The following RASAL2 variants were observed in gnomAD, a reference collection of about 807,000 sequenced individuals.
RASAL2 encodes ras GTPase-activating protein nGAP.
In RASAL2, 58 loss-of-function variants were observed where a neutral mutation model predicts 128.9. The ratio of observed to expected loss-of-function variants is 0.45; its 90% CI spans 0.36 to 0.56. The LOEUF is 0.56. RASAL2 is among the 20% of genes least tolerant of loss of function. The pLI, the probability that RASAL2 is intolerant of heterozygous loss-of-function variation, is 0.00. For synonymous variants in RASAL2, 561 were observed against 580.8 expected (o/e 0.97, Z 0.49); for missense variants, 1,360 against 1,601.6 (o/e 0.85, Z 2.57).
chr1:178,430,133 G>C (rs929864333), intron 5 of RASAL2, among the ~76,000 whole-genome samples: 1 of 152,114 alleles, frequency 6.6e-6, no homozygotes, highest in African/African-American at 2.4e-5. Context: ...ATACACATTT[G>C]TTGGCCTGAA....
At chr1:178,389,323 A>G (rs935983605) in intron 3 of RASAL2, 1 of 937,800 alleles carries the variant, frequency 1.1e-6, no homozygotes. Flanking sequence ...ATACGTATAT[A>G]TCTATCATCT....
intron 3 of RASAL2, among the ~76,000 whole-genome samples, chr1:178,306,109 C>A (rs1212775701): frequency 1.3e-5 from 2 of 152,144 alleles, no homozygotes; most frequent in Non-Finnish European, 2.9e-5. Flanking sequence ...AAATTTTTTT[C>A]ATTGTTCAAT....
chr1:178,348,983 T>A (rs1266718508), intron 3 of RASAL2, among the ~76,000 whole-genome samples: 5 of 151,256 alleles, frequency 3.3e-5, no homozygotes, highest in Admixed American at 6.6e-5. Context: ...GTATTTTTAG[T>A]GGAGACGGGC....
chr1:178,386,198 T>C (rs1672555599), intron 3 of RASAL2, among the ~76,000 whole-genome samples: 1 of 152,174 alleles, frequency 6.6e-6, no homozygotes, highest in African/African-American at 2.4e-5. Context: ...TGCCACACTT[T>C]CCAAAGAAAG....
At chr1:178,293,174 C>T (rs1667354093) in intron 2 of RASAL2, among the ~76,000 whole-genome samples, 1 of 152,144 alleles carries the variant, frequency 6.6e-6, no homozygotes, top group African/African-American at 2.4e-5. Flanking sequence ...TTTCCTCTTT[C>T]TCCCCCGTAA....
At chr1:178,245,821 C>T (rs559107637) in intron 1 of RASAL2, among the ~76,000 whole-genome samples, 36 of 152,232 alleles carry the variant, frequency 2.4e-4, no homozygotes, top group Non-Finnish European at 4.6e-4. Flanking sequence ...TTGTAAAATA[C>T]GGAATCCTTT....
chr1:178,370,144 AGTT>A (rs1294936285), intron 3 of RASAL2, among the ~76,000 whole-genome samples: 1 of 152,258 alleles, frequency 6.6e-6, no homozygotes, highest in Non-Finnish European at 1.5e-5. Context: ...ACAGTTGTCT[AGTT>A]GTTCTATACA....
chr1:178,154,613 A>G (rs561865548), intron 1 of RASAL2, among the ~76,000 whole-genome samples: 2 of 152,366 alleles, frequency 1.3e-5, no homozygotes, highest in African/African-American at 4.8e-5. Flanking sequence ...GAAAAATGAT[A>G]TTAAATCTGT....
At chr1:178,234,146 G>C (rs1486564768) in intron 1 of RASAL2, among the ~76,000 whole-genome samples, 1 of 152,162 alleles carries the variant, frequency 6.6e-6, no homozygotes, top group Non-Finnish European at 1.5e-5. Context: ...TGGAGCACAT[G>C]TGAAAAAATT....
chr1:178,371,339 C>CACACACACAAAT (rs1553222403), intron 3 of RASAL2, among the ~76,000 whole-genome samples: 9 of 138,042 alleles, frequency 6.5e-5, no homozygotes, highest in African/African-American at 2.8e-4. Flanking sequence ...CACACACACA[C>CACACACACAAAT]ACACACACAC....
At chr1:178,169,097 A>G (rs1338046169) in intron 1 of RASAL2, among the ~76,000 whole-genome samples, 1 of 152,136 alleles carries the variant, frequency 6.6e-6, no homozygotes, top group Non-Finnish European at 1.5e-5. Context: ...TTTAACATTA[A>G]TATGCATAGT....
At chr1:178,240,872 T>C (rs1174340688) in intron 1 of RASAL2, among the ~76,000 whole-genome samples, 2 of 151,320 alleles carry the variant, frequency 1.3e-5, no homozygotes, top group African/African-American at 4.8e-5. Context: ...TATTGGAAGA[T>C]TTTGTTAGTT....
rs74131352 is a variant in RASAL2, at chr1:178,425,858, C to A, written c.674+5238C>A. ...TAAGGGAACCTGGGAAACTTTATAC[C>A]TGGATATATTGGTGGGCCCAATAAT... On this transcript the variant is annotated intron_variant, in intron 5 of 17. Coordinates refer to ENST00000367649, the MANE Select transcript of RASAL2 (RefSeq NM_170692.4). Among the ~76,000 whole-genome samples the A allele has an allele frequency of 5.5e-3, 841 of 152,204 alleles. 11 individuals carry two copies. The highest frequency in any genetic ancestry group is 0.019 in the African/African-American group (786 of 41,534).
chr1:178,238,023 C>A (rs1333908414), intron 1 of RASAL2, among the ~76,000 whole-genome samples: 1 of 152,190 alleles, frequency 6.6e-6, no homozygotes, highest in Non-Finnish European at 1.5e-5. Context: ...TGTACAAGCA[C>A]ACCACAATTT....
chr1:178,237,853 T>C (rs937461797), intron 1 of RASAL2, among the ~76,000 whole-genome samples: 1 of 152,164 alleles, frequency 6.6e-6, no homozygotes, highest in Non-Finnish European at 1.5e-5. Flanking sequence ...ATACTGAAAC[T>C]CTGTACCCAT....
Position 178,160,098 on chromosome 1 carries a change from G to T in RASAL2, c.202+65404G>T, listed in dbSNP as rs186317059. ...AAGTTCTAGGGTACATGTGCACAAC[G>T]TGCAGGTTTGTTGCATATGTATACA... On this transcript the variant is annotated intron_variant, in intron 1 of 17. Coordinates refer to ENST00000367649, the MANE Select transcript of RASAL2 (RefSeq NM_170692.4). 9.2e-4 allele frequency among the ~76,000 whole-genome samples: 138 copies of T among 149,934 alleles called. 1 individual carries two copies. Among genetic ancestry groups the T allele is most frequent in the African/African-American group, 3.3e-3 (134 of 40,748 alleles).
At chr1:178,300,593 A>G (rs939938555) in intron 3 of RASAL2, among the ~76,000 whole-genome samples, 2 of 152,218 alleles carry the variant, frequency 1.3e-5, no homozygotes, top group Non-Finnish European at 2.9e-5. Context: ...TAAAAGTCAT[A>G]TGCTGGACTA....
At chr1:178,283,135 T>TGATA (rs1666860442) in intron 1 of RASAL2, among the ~76,000 whole-genome samples, 1 of 152,232 alleles carries the variant, frequency 6.6e-6, no homozygotes, top group Non-Finnish European at 1.5e-5. Flanking sequence ...CCTAGTCTGC[T>TGATA]GATACATTTA....
At chr1:178,451,156 A>G (rs1471243119) in intron 9 of RASAL2, among the ~76,000 whole-genome samples, 1 of 152,216 alleles carries the variant, frequency 6.6e-6, no homozygotes, top group East Asian at 1.9e-4. Flanking sequence ...AGCACTTAAA[A>G]CCTTCACTGG....
Sources: gnomAD v4.1 joint callset for allele counts (sites outside exome capture counted in the v4.1 genomes callset) on GRCh38, gnomAD v4.1.1 for gene constraint, MANE v1.5 for transcripts, NCBI Gene and HGNC (gene_info 2026-07-23, HGNC 2026-07-21) for gene names.